The following ALG9 variants were observed in gnomAD, a reference collection of about 807,000 sequenced individuals.
ALG9 encodes the protein alpha-1,2-mannosyltransferase ALG9.
A neutral mutation model predicts 81.8 loss-of-function variants in ALG9; 55 were observed. The ratio of observed to expected loss-of-function variants is 0.67; its 90% CI spans 0.54 to 0.84. The LOEUF is 0.84. Ranked by LOEUF, ALG9 falls within the 40% of genes least tolerant of loss-of-function variation. ALG9 has a pLI of 0.00. For missense variants in ALG9, 629 were observed against 745.0 expected, an observed-to-expected ratio of 0.84 and a Z score of 1.81; for synonymous variants, 278 against 274.3, an observed-to-expected ratio of 1.01 and a Z score of -0.13.
At chr11:111,828,214 G>T (rs1953716105) in intron 13 of ALG9, among the ~76,000 whole-genome samples, 1 of 152,114 alleles carries the variant, frequency 6.6e-6, no homozygotes, top group African/African-American at 2.4e-5. Context: ...GATGAACATG[G>T]TTGTGCTGAT....
chr11:111,868,867 T>C, intron 2 of ALG9, 131 bp from the exon 3 acceptor site: 1 of 915,958 alleles, frequency 1.1e-6, no homozygotes, highest in Non-Finnish European at 1.5e-6. Context: ...ACACCTATAA[T>C]CCCAGCACTT....
intron 8 of ALG9, among the ~76,000 whole-genome samples, chr11:111,850,450 A>G (rs1957586424): frequency 6.6e-6 from 1 of 152,056 alleles, no homozygotes; most frequent in Non-Finnish European, 1.5e-5. Context: ...TCATGCCTGT[A>G]ATCCCAGCAC....
chr11:111,804,968 A>AG (rs1555083788), intron 14 of ALG9: 1 of 226,676 alleles, frequency 4.4e-6, no homozygotes, highest in East Asian at 1.3e-4. Flanking sequence ...TATTACCCAA[A>AG]GGAGTTGAAA....
At chr11:111,769,761 A>T in the ALG9 span, among the ~76,000 whole-genome samples, 189 of 152,374 alleles carry the variant, frequency 1.2e-3, 2 homozygotes, top group African/African-American at 4.4e-3. Context: ...TGGCACCTTG[A>T]TGCTAAACTA....
intron 13 of ALG9, among the ~76,000 whole-genome samples, chr11:111,813,567 T>TAAA (rs1181110803): frequency 1.3e-5 from 2 of 151,870 alleles, no homozygotes; most frequent in Admixed American, 6.6e-5. Flanking sequence ...CATTAAGAAT[T>TAAA]AAAAAAACAC....
intron 14 of ALG9, among the ~76,000 whole-genome samples, chr11:111,800,373 C>T (rs149120956): frequency 5.9e-5 from 9 of 151,684 alleles, no homozygotes; most frequent in Admixed American, 4.6e-4. Flanking sequence ...CCCAGCTACT[C>T]GGGAGGCTGA....
the ALG9 span, chr11:111,771,026 T>C: frequency 3.3e-5 from 5 of 152,236 alleles, no homozygotes; most frequent in African/African-American, 1.2e-4. Flanking sequence ...TGAGTTAGAT[T>C]TGCCCGGTTC....
chr11:111,840,901 T>A (rs1566013529), intron 9 of ALG9, 92 bp from the exon 10 acceptor site: 5 of 1,466,620 alleles, frequency 3.4e-6, no homozygotes. Flanking sequence ...AATTTAGGAG[T>A]ATGCCCTAGG....
At chr11:111,807,852 A>G (rs1440010449) in intron 14 of ALG9, among the ~76,000 whole-genome samples, 1 of 152,170 alleles carries the variant, frequency 6.6e-6, no homozygotes, top group Admixed American at 6.5e-5. Flanking sequence ...TGGGAGGCTG[A>G]GGTGGGCGGA....
chr11:111,804,719 T>G (rs1332141558), intron 14 of ALG9, among the ~76,000 whole-genome samples: 2 of 152,210 alleles, frequency 1.3e-5, no homozygotes, highest in African/African-American at 4.8e-5. Context: ...ATGCTCTGCA[T>G]CATATTAGCG....
the ALG9 span, among the ~76,000 whole-genome samples, chr11:111,770,532 A>G: frequency 6.6e-6 from 1 of 151,970 alleles, no homozygotes; most frequent in Non-Finnish European, 1.5e-5. Flanking sequence ...TACCAGAAAA[A>G]AAAAAGAAAA....
At chr11:111,865,882 T>C (rs1962238725) in intron 3 of ALG9, among the ~76,000 whole-genome samples, 1 of 152,208 alleles carries the variant, frequency 6.6e-6, no homozygotes, top group Admixed American at 6.5e-5. Context: ...AATTTTATAA[T>C]TGACATCAAT....
At chr11:111,801,188 G>A (rs1565674095) in intron 14 of ALG9, among the ~76,000 whole-genome samples, 1 of 152,206 alleles carries the variant, frequency 6.6e-6, no homozygotes, top group East Asian at 1.9e-4. Context: ...AATTGCTCCA[G>A]TAAATAAGTG....
intron 13 of ALG9, among the ~76,000 whole-genome samples, chr11:111,811,115 G>A (rs190916657): frequency 1.3e-3 from 192 of 152,216 alleles, no homozygotes; most frequent in African/African-American, 4.1e-3. Context: ...TAGACTTACA[G>A]GATGTCAATC....
intron 8 of ALG9, among the ~76,000 whole-genome samples, chr11:111,853,061 G>T: frequency 7.4e-6 from 1 of 135,606 alleles, no homozygotes; most frequent in South Asian, 2.3e-4. Context: ...AATAAGAAGA[G>T]AAAAAAGTAA....
intron 5 of ALG9, among the ~76,000 whole-genome samples, chr11:111,859,533 A>G (rs1282663189): frequency 6.6e-6 from 1 of 151,942 alleles, no homozygotes; most frequent in Non-Finnish European, 1.5e-5. Context: ...AGAAAAGAAA[A>G]AAAGTAGTAG....
intron 6 of ALG9, among the ~76,000 whole-genome samples, 184 bp from the exon 7 acceptor site, chr11:111,853,920 A>T (rs1398135761): frequency 6.6e-6 from 1 of 152,168 alleles, no homozygotes; most frequent in Admixed American, 6.5e-5. Context: ...CCACTGATGC[A>T]CAAGAAATAG....
intron 4 of ALG9, among the ~76,000 whole-genome samples, chr11:111,861,846 C>T (rs561746877): frequency 6.6e-6 from 1 of 152,092 alleles, no homozygotes; most frequent in South Asian, 2.1e-4. Flanking sequence ...GATGGCTTAA[C>T]CTAATATACA....
intron 14 of ALG9, among the ~76,000 whole-genome samples, chr11:111,808,323 G>T (rs1244445939): frequency 6.6e-6 from 1 of 152,132 alleles, no homozygotes; most frequent in Non-Finnish European, 1.5e-5. Flanking sequence ...GAGAGACTCA[G>T]TCTAAAAGCA....
Sources: allele counts gnomAD v4.1 joint callset (sites outside exome capture counted in the v4.1 genomes callset), GRCh38; gene constraint gnomAD v4.1.1; transcripts MANE v1.5; gene names NCBI Gene and HGNC (gene_info 2026-07-23, HGNC 2026-07-21).